BDP1: variants seen among roughly 807,000 people sequenced by gnomAD.
BDP1 encodes the protein BDP1 general transcription factor IIIB subunit.
BDP1 carries 169 observed loss-of-function variants against 266.6 expected under a neutral mutation model. The ratio of observed to expected loss-of-function variants is 0.63; its 90% confidence interval spans 0.56 to 0.72. The LOEUF is 0.72. BDP1 is among the 30% of genes least tolerant of loss of function. The pLI, the probability that BDP1 is intolerant of heterozygous loss-of-function variation, is 0.00. For missense variants in BDP1, 3,015 were observed against 3,053.8 expected (o/e 0.99, Z 0.30); for synonymous variants, 1,090 against 1,022.4 (o/e 1.07, Z -1.26).
chr5:71,517,261 A>G, intron 21 of BDP1, 61 bp from the exon 22 acceptor site: 1 of 1,301,080 alleles, frequency 7.7e-7, no homozygotes, highest in Non-Finnish European at 1.1e-6. Context: ...AATGGTGGAA[A>G]TATTTTAAGA....
intron 9 of BDP1, 127 bp downstream of exon 9, chr5:71,486,754 G>A: frequency 1.4e-6 from 1 of 711,830 alleles, no homozygotes; most frequent in Non-Finnish European, 2.1e-6. Context: ...CCAGTTGGAG[G>A]GAGTATATGT....
intron 7 of BDP1, among the ~76,000 whole-genome samples, chr5:71,480,993 A>G (rs1454462165): frequency 1.3e-5 from 2 of 152,094 alleles, no homozygotes; most frequent in Non-Finnish European, 2.9e-5. Flanking sequence ...TGGCTAACAC[A>G]GAAACCCTGT....
At chr5:71,493,916 A>T (rs1337386788) in intron 11 of BDP1, among the ~76,000 whole-genome samples, 1 of 152,236 alleles carries the variant, frequency 6.6e-6, no homozygotes, top group African/African-American at 2.4e-5. Flanking sequence ...GTGTTACCAT[A>T]TCCGCTAACT....
intron 7 of BDP1, among the ~76,000 whole-genome samples, chr5:71,478,035 G>A (rs942828276): frequency 1.3e-5 from 2 of 152,210 alleles, no homozygotes; most frequent in African/African-American, 4.8e-5. Context: ...CGGATCACCT[G>A]AGGTTGGGAG....
chr5:71,549,521 G>A lies in BDP1; in HGVS notation c.6910G>A (p.Ala2304Thr), dbSNP rs759402300. ...CAATGCAGTAGAAGAATTTACTGAT[G>A]CCACTGCACAGTTCATGCCAAACCC... ...PANAVEEFTD[A>T]TAQFMPNPLL... The change falls in exon 34 of 39, where the codon GCC becomes ACC. Residue 2304 changes from alanine to threonine, a missense_variant. Around this residue, in one of 3 missense-constraint regions of BDP1, gnomAD observed 629 missense variants for 632.5 expected, o/e 0.99. Transcript: ENST00000358731. 2 of 1,614,046 alleles carry A rather than the reference G, an allele frequency of 1.2e-6. No individual in the cohort carries two copies. Among genetic ancestry groups the A allele is most frequent in the Admixed American group, 1.7e-5 (1 of 60,026 alleles).
At chr5:71,539,111 CTTGA>C in intron 27 of BDP1, 33 bp downstream of exon 27, 3 of 1,463,956 alleles carry the variant, frequency 2.0e-6, no homozygotes, top group Non-Finnish European at 2.9e-6. Context: ...CTAAGACTAC[CTTGA>C]TTAACACTAG....
At chr5:71,511,821 T>G (rs1764937510) in intron 17 of BDP1, among the ~76,000 whole-genome samples, 1 of 152,228 alleles carries the variant, frequency 6.6e-6, no homozygotes, top group Non-Finnish European at 1.5e-5. Context: ...AAAAGAAGAA[T>G]AGGAAATTAG....
chr5:71,502,554 G>A, intron 14 of BDP1, 45 bp from the exon 15 acceptor site: 4 of 1,459,758 alleles, frequency 2.7e-6, no homozygotes, highest in Non-Finnish European at 3.7e-6. Flanking sequence ...GAAGGAAATT[G>A]GTGACTTCAA....
At chr5:71,547,995 A>G (rs1742462391) in intron 32 of BDP1, among the ~76,000 whole-genome samples, 1 of 152,114 alleles carries the variant, frequency 6.6e-6, no homozygotes, top group South Asian at 2.1e-4. Flanking sequence ...GATTTTAAGC[A>G]GTAGAAGCCC....
chr5:71,507,756 A>C (rs1764659764), intron 16 of BDP1, among the ~76,000 whole-genome samples: 1 of 152,174 alleles, frequency 6.6e-6, no homozygotes, highest in South Asian at 2.1e-4. Flanking sequence ...ATTGCTGTTA[A>C]TTTTACATTT....
chr5:71,499,068 C>A (rs1764071562), intron 13 of BDP1, among the ~76,000 whole-genome samples: 1 of 151,742 alleles, frequency 6.6e-6, no homozygotes, highest in Non-Finnish European at 1.5e-5. Context: ...AATTTTTAAC[C>A]ATAATGTGTA....
intron 7 of BDP1, among the ~76,000 whole-genome samples, chr5:71,472,879 TC>T (rs1762334695): frequency 1.5e-5 from 1 of 64,936 alleles, no homozygotes; most frequent in African/African-American, 4.1e-5. Context: ...TTGTATTTTC[TC>T]TCTCTCTCTT....
intron 28 of BDP1, among the ~76,000 whole-genome samples, chr5:71,540,300 G>A (rs1296086709): frequency 6.6e-6 from 1 of 151,994 alleles, no homozygotes; most frequent in East Asian, 1.9e-4. Context: ...ATTTGAGACG[G>A]AGTTTGGTTA....
rs1414741261 is a variant in BDP1 at position 71,456,018 on chromosome 5, C to T, written c.141C>T (p.Pro47=). The change falls in exon 1 of 39, where the codon CCC becomes CCT. Residue 47 remains proline, a synonymous_variant. Transcript: ENST00000358731. ...CTGCCACGGACTCTGCTTCCAAGCC[C>T]GCGGAGCCCACAGATGTGCCCACAG... The part of the protein sequence containing the change: ...PDPATDSASK[P]AEPTDVPTVD... The T allele has an allele frequency of 1.2e-6, 2 of 1,613,618 alleles. No individual in the cohort carries two copies. Among genetic ancestry groups the T allele is most frequent in the African/African-American group, 1.3e-5 (1 of 75,070 alleles).
At chr5:71,497,198 G>A in intron 12 of BDP1, 72 bp from the exon 13 acceptor site, 1 of 1,380,710 alleles carries the variant, frequency 7.2e-7, no homozygotes, top group Non-Finnish European at 1.0e-6. Flanking sequence ...CTAATTCTCA[G>A]TAGGTTATTT....
intron 8 of BDP1, among the ~76,000 whole-genome samples, chr5:71,484,762 C>T (rs6452796): frequency 0.87 from 132,487 of 152,118 alleles, 57,854 homozygotes; most frequent in East Asian, 0.99. Context: ...TGTGGATTTA[C>T]AATTATCAGT....
At chr5:71,542,556 C>T (rs1259295878) in intron 30 of BDP1, among the ~76,000 whole-genome samples, 3 of 152,102 alleles carry the variant, frequency 2.0e-5, no homozygotes, top group Admixed American at 6.5e-5. Context: ...ACTAGGGGCA[C>T]TGACCTCCCC....
Position 71,511,275 on chromosome 5 carries a change from T to G in BDP1, c.4059+124T>G. 5.3e-6 allele frequency: 5 copies of G among 947,860 alleles called. No individual in the cohort carries two copies. In the South Asian group the frequency reaches 6.9e-5, roughly 13 times the overall value. The allele number at this position is 947,860 out of a possible 1,614,324, so 58.7% of individuals were successfully genotyped here. A position where few individuals can be genotyped will look rare whatever the true frequency, so the allele number is the denominator to read the frequency against. The stretch of plus-strand genomic sequence containing the variant: ...AAAATCTCTAAAAGTCTAAAGTCTT[T>G]TGTAGCCCTAAGTTTCTATGTTTCA... On this transcript the variant is annotated intron_variant, in intron 17 of 38. Transcript: ENST00000358731.
chr5:71,520,698 A>G (rs1342019689), intron 22 of BDP1, among the ~76,000 whole-genome samples: 1 of 149,680 alleles, frequency 6.7e-6, no homozygotes, highest in Non-Finnish European at 1.5e-5. Flanking sequence ...CTAAGTGCTG[A>G]TGATGTAGGA....
Sources: gnomAD v4.1 joint callset for allele counts (sites outside exome capture counted in the v4.1 genomes callset) on GRCh38, gnomAD v4.1.1 for gene constraint, gnomAD v4.1.1 regional missense constraint, MANE v1.5 for transcripts, NCBI Gene and HGNC (gene_info 2026-07-23, HGNC 2026-07-21) for gene names.